SCFD2: variants seen among roughly 807,000 people sequenced by gnomAD.
SCFD2 encodes sec1 family domain containing 2.
In SCFD2, 54 loss-of-function variants were observed where a neutral mutation model predicts 58.9. The observed-to-expected ratio is 0.92, with a 90% CI of 0.74 to 1.15. The LOEUF is 1.15. SCFD2 is among the 50% of genes most tolerant of loss of function. The pLI, the probability that SCFD2 is intolerant of heterozygous loss-of-function variation, is 0.00. For missense variants in SCFD2, 805 were observed against 836.6 expected (o/e 0.96, Z 0.47); for synonymous variants, 321 against 335.9 (o/e 0.96, Z 0.49).
chr4:52,915,825 A>G (rs879558713), intron 6 of SCFD2, among the ~76,000 whole-genome samples: 2 of 152,224 alleles, frequency 1.3e-5, no homozygotes, highest in African/African-American at 2.4e-5. Flanking sequence ...CAGTTCTGTT[A>G]GAAAGAATCA....
intron 5 of SCFD2, among the ~76,000 whole-genome samples, chr4:53,011,957 AT>A (rs1309251160): frequency 1.3e-5 from 2 of 149,516 alleles, no homozygotes; most frequent in East Asian, 4.0e-4. Context: ...AAATCTGGGG[AT>A]TTTTCATTGA....
At chr4:52,897,769 C>T (rs760331160) in intron 7 of SCFD2, among the ~76,000 whole-genome samples, 47 of 152,184 alleles carry the variant, frequency 3.1e-4, no homozygotes, top group African/African-American at 5.8e-4. Flanking sequence ...AATTCAACTG[C>T]GAATCCATCT....
intron 2 of SCFD2, among the ~76,000 whole-genome samples, chr4:53,339,551 C>G (rs189573991): frequency 3.0e-4 from 46 of 152,196 alleles, no homozygotes; most frequent in African/African-American, 1.1e-3. Flanking sequence ...GGGCAGATCA[C>G]CTGAGGCCAG....
chr4:52,909,488 T>G (rs975340716), intron 6 of SCFD2, among the ~76,000 whole-genome samples: 1 of 152,192 alleles, frequency 6.6e-6, no homozygotes, highest in Non-Finnish European at 1.5e-5. Context: ...TACGGAAGTT[T>G]AAATTGCTGA....
chr4:53,011,412 GAGA>G (rs917282637), intron 5 of SCFD2, among the ~76,000 whole-genome samples: 20 of 152,150 alleles, frequency 1.3e-4, no homozygotes, highest in African/African-American at 3.9e-4. Flanking sequence ...AGGATTTAGT[GAGA>G]AGAAGGACTT....
intron 5 of SCFD2, among the ~76,000 whole-genome samples, chr4:52,985,403 A>C (rs1721466034): frequency 6.6e-6 from 1 of 152,188 alleles, no homozygotes; most frequent in Non-Finnish European, 1.5e-5. Flanking sequence ...AATTAGCATT[A>C]TGTTTCATTC....
At chr4:53,323,122 C>T (rs763557228) in intron 2 of SCFD2, among the ~76,000 whole-genome samples, 1 of 152,128 alleles carries the variant, frequency 6.6e-6, no homozygotes, top group Non-Finnish European at 1.5e-5. Flanking sequence ...AGCTTCAAAG[C>T]CTTGGAAAAA....
intron 3 of SCFD2, among the ~76,000 whole-genome samples, chr4:53,295,841 CATG>C (rs1480101504): frequency 6.6e-6 from 1 of 152,138 alleles, no homozygotes; most frequent in African/African-American, 2.4e-5. Flanking sequence ...GAGTTTTTAG[CATG>C]AAGCACTGTT....
rs1553914338 is a variant in SCFD2, at chr4:53,012,836, G to GTGTTTT, written c.1562-91967_1562-91966insAAAACA. On this transcript the variant is annotated intron_variant, in intron 5 of 8. Coordinates refer to ENST00000401642, the MANE Select transcript of SCFD2 (RefSeq NM_152540.4). ...TTTCTGTGTGTGTGTGTGTGTGTGTGTTTTTTTTTAAGAGAGAGAAAGCTA... is the reference window on the plus strand; with the variant it reads ...TTTCTGTGTGTGTGTGTGTGTGTGTGTGTTTTTTTTTTTTTAAGAGAGAGAAAGCTA... 3.7e-3 allele frequency among the ~76,000 whole-genome samples: 542 copies of GTGTTTT among 145,100 alleles called. 5 individuals carry two copies. Among genetic ancestry groups the GTGTTTT allele is most frequent in the South Asian group, 0.018 (84 of 4,556 alleles).
chr4:52,917,945 T>C (rs1719646782), intron 6 of SCFD2, among the ~76,000 whole-genome samples: 1 of 152,142 alleles, frequency 6.6e-6, no homozygotes, highest in African/African-American at 2.4e-5. Flanking sequence ...TGCATGCGCA[T>C]CACAGCAGGA....
chr4:53,329,302 A>G (rs1191959205), intron 2 of SCFD2, among the ~76,000 whole-genome samples: 6 of 152,130 alleles, frequency 3.9e-5, no homozygotes, highest in Non-Finnish European at 7.4e-5. Context: ...GGGCACAGAC[A>G]AACAAAAAGA....
At chr4:53,354,246 G>A (rs1372735375) in intron 1 of SCFD2, among the ~76,000 whole-genome samples, 1 of 152,238 alleles carries the variant, frequency 6.6e-6, no homozygotes, top group Non-Finnish European at 1.5e-5. Flanking sequence ...AGGTGGCTGA[G>A]GCCTGGCGAG....
chr4:53,295,210 G>C (rs1731984679), intron 3 of SCFD2, among the ~76,000 whole-genome samples: 1 of 152,128 alleles, frequency 6.6e-6, no homozygotes, highest in Non-Finnish European at 1.5e-5. Context: ...GGATAGCTCT[G>C]AATCTATAAA....
At chr4:53,180,399 C>A (rs565893586) in intron 4 of SCFD2, among the ~76,000 whole-genome samples, 377 of 152,304 alleles carry the variant, frequency 2.5e-3, no homozygotes, top group African/African-American at 8.7e-3. Context: ...TCCTGAATGA[C>A]TACTGGGTAA....
intron 5 of SCFD2, among the ~76,000 whole-genome samples, chr4:53,012,838 T>TG (rs1560509757): frequency 1.3e-5 from 2 of 149,062 alleles, no homozygotes; most frequent in African/African-American, 5.0e-5. Flanking sequence ...GTGTGTGTGT[T>TG]TTTTTTTAAG....
At chr4:53,216,128 C>T (rs185987698) in intron 4 of SCFD2, among the ~76,000 whole-genome samples, 1 of 152,242 alleles carries the variant, frequency 6.6e-6, no homozygotes, top group East Asian at 1.9e-4. Flanking sequence ...GTGTCTCTGC[C>T]AGCCTTTGGT....
Position 52,966,464 on chromosome 4 carries a change from C to A in SCFD2, c.1562-45594G>T, listed in dbSNP as rs1720965126. ...CTTTCCTCCTTCCCACATTACCTTCCACATCACCTTTTTAATCTCTGTTTT... is the reference window on the plus strand; with the variant it reads ...CTTTCCTCCTTCCCACATTACCTTCAACATCACCTTTTTAATCTCTGTTTT... On this transcript the variant is annotated intron_variant, in intron 5 of 8. Transcript: ENST00000401642. Among the ~76,000 whole-genome samples the A allele has an allele frequency of 2.6e-5, 4 of 152,236 alleles. No individual in the cohort carries two copies. The South Asian group carries it at 8.3e-4, about 32-fold the overall frequency.
chr4:53,295,609 C>A (rs1731999973), intron 3 of SCFD2, among the ~76,000 whole-genome samples: 1 of 152,130 alleles, frequency 6.6e-6, no homozygotes, highest in Non-Finnish European at 1.5e-5. Flanking sequence ...TTCCTCTCTT[C>A]CTAATTGAAC....
chr4:53,079,277 G>C (rs1724072427), intron 5 of SCFD2, among the ~76,000 whole-genome samples: 1 of 152,180 alleles, frequency 6.6e-6, no homozygotes, highest in Non-Finnish European at 1.5e-5. Context: ...CAAGCAGACA[G>C]TTATTCTGTT....
Sources: allele counts gnomAD v4.1 joint callset (sites outside exome capture counted in the v4.1 genomes callset), GRCh38; gene constraint gnomAD v4.1.1; transcripts MANE v1.5; gene names NCBI Gene and HGNC (gene_info 2026-07-23, HGNC 2026-07-21).